Variants in PATL2 observed in about 807,000 individuals in gnomAD.
PATL2 encodes the protein PAT1 homolog 2, also known as protein PAT1 homolog 2.
Under a neutral mutation model 77.0 loss-of-function variants are expected in PATL2, and 73 were observed. The ratio of observed to expected loss-of-function variants is 0.95; its 90% CI spans 0.78 to 1.15. The LOEUF (loss-of-function observed/expected upper bound fraction) is 1.15, where lower values mean the gene tolerates loss of function less well. Ranked by LOEUF, PATL2 falls within the 50% of genes most tolerant of loss-of-function variation. PATL2 has a pLI of 0.00. For synonymous variants in PATL2, 265 were observed against 257.1 expected (o/e 1.03, Z -0.29); for missense variants, 618 against 655.4 (o/e 0.94, Z 0.62).
At chr15:44,666,795 AAG>A (rs2085394788) in intron 16 of PATL2, 2 of 521,954 alleles carry the variant, frequency 3.8e-6, no homozygotes, top group Non-Finnish European at 6.7e-6. Flanking sequence ...GAAACAAACT[AAG>A]AGAAGTGAGA....
intron 14 of PATL2, 114 bp from the exon 15 acceptor site, chr15:44,668,596 T>G (rs1421921494): frequency 9.2e-6 from 12 of 1,298,258 alleles, no homozygotes; most frequent in Non-Finnish European, 1.3e-5. Context: ...CTGGTGAGGT[T>G]ACTTACCAGG....
chr15:44,666,970 G>A, intron 16 of PATL2, 136 bp downstream of exon 16: 3 of 706,752 alleles, frequency 4.2e-6, no homozygotes, highest in Middle Eastern at 8.1e-4. Context: ...AAGCAGAACA[G>A]CTACAACACT....
At position 44,705,464 on chromosome 15, in the gene PATL2, G is replaced by A. The variant is rs147714049; in HGVS notation, c.-76+4632C>T. Among the ~76,000 whole-genome samples, 407 of 152,284 alleles carry A rather than the reference G, an allele frequency of 2.7e-3. 2 individuals carry two copies. The highest frequency in any genetic ancestry group is 9.2e-3 in the African/African-American group (384 of 41,556). ...CAAAGTGCTGGGATTACAGGAGTGA[G>A]CCACTGCACCTGGCTGCAGCCAGTA... On this transcript the variant is annotated intron_variant, in intron 3 of 17. Transcript: ENST00000682850.
chr15:44,669,480 GA>G, intron 12 of PATL2, 29 bp downstream of exon 12: 1 of 1,550,146 alleles, frequency 6.5e-7, no homozygotes, highest in Non-Finnish European at 8.7e-7. Flanking sequence ...GGTAGGTTTG[GA>G]ACTCGTCCCT....
At chr15:44,689,124 T>C (rs532254427) in intron 3 of PATL2, among the ~76,000 whole-genome samples, 107 of 152,254 alleles carry the variant, frequency 7.0e-4, no homozygotes, top group African/African-American at 2.5e-3. Context: ...CTCATCAACA[T>C]TGGTCATTAG....
intron 16 of PATL2, 59 bp downstream of exon 16, chr15:44,667,047 G>C: frequency 7.7e-7 from 1 of 1,299,282 alleles, no homozygotes; most frequent in Non-Finnish European, 1.1e-6. Flanking sequence ...ACTTCACCTG[G>C]CTCAGTCTGC....
intron 3 of PATL2, among the ~76,000 whole-genome samples, chr15:44,686,758 C>A (rs979967865): frequency 5.3e-5 from 8 of 152,138 alleles, no homozygotes; most frequent in Non-Finnish European, 1.0e-4. Flanking sequence ...AAACTAGCAT[C>A]AGAGAATACT....
intron 3 of PATL2, among the ~76,000 whole-genome samples, chr15:44,685,893 C>G (rs1409767416): frequency 6.6e-6 from 1 of 152,114 alleles, no homozygotes; most frequent in African/African-American, 2.4e-5. Flanking sequence ...TACAGGAGCA[C>G]CCAGATTCAT....
intron 3 of PATL2, among the ~76,000 whole-genome samples, chr15:44,698,342 ATTCT>A (rs2086556260): frequency 6.6e-6 from 1 of 152,034 alleles, no homozygotes; most frequent in African/African-American, 2.4e-5. Flanking sequence ...GATCTTATTC[ATTCT>A]AATTATATTT....
rs2086830581 is a variant in PATL2 at position 44,710,359 on chromosome 15, C to G, written c.-194-145G>C. The stretch of plus-strand genomic sequence containing the variant: ...GGTCCACTTCCTCTTCTCACTGTTC[C>G]TCTTAGAAAAGATCTGTGGACTCCA... On this transcript the variant is annotated intron_variant, in intron 2 of 17. Coordinates refer to ENST00000682850, the MANE Select transcript of PATL2 (RefSeq NM_001387263.1). Among the ~76,000 whole-genome samples the G allele has an allele frequency of 2.0e-5, 3 of 152,180 alleles. No individual in the cohort carries two copies. In the South Asian group the frequency reaches 6.2e-4, roughly 32 times the overall value.
intron 4 of PATL2, chr15:44,675,896 C>G: frequency 1.8e-6 from 1 of 553,464 alleles, no homozygotes; most frequent in Non-Finnish European, 3.2e-6. Context: ...TCAAATGGAA[C>G]CTGAGCCAGG....
At chr15:44,669,474 G>A in intron 12 of PATL2, 36 bp downstream of exon 12, 4 of 1,549,204 alleles carry the variant, frequency 2.6e-6, no homozygotes, top group Non-Finnish European at 3.5e-6. Context: ...CTCAAAGGTA[G>A]GTTTGGAACT....
intron 3 of PATL2, among the ~76,000 whole-genome samples, chr15:44,698,951 C>G (rs773338556): frequency 1.3e-5 from 2 of 152,154 alleles, no homozygotes; most frequent in South Asian, 4.1e-4. Context: ...TGAGGGTGAG[C>G]TGATATCTCA....
intron 14 of PATL2, 47 bp from the exon 15 acceptor site, chr15:44,668,529 C>A: frequency 6.5e-7 from 1 of 1,534,380 alleles, no homozygotes; most frequent in East Asian, 2.5e-5. Context: ...TACAACTTCA[C>A]CTCCCCTTAC....
intron 3 of PATL2, among the ~76,000 whole-genome samples, chr15:44,701,360 T>C (rs1273693781): frequency 6.6e-6 from 1 of 151,938 alleles, no homozygotes; most frequent in Non-Finnish European, 1.5e-5. Flanking sequence ...CAGAATAGTT[T>C]GAGTAGGGTT....
intron 3 of PATL2, among the ~76,000 whole-genome samples, chr15:44,692,151 T>C (rs1273699502): frequency 3.3e-5 from 5 of 152,198 alleles, no homozygotes; most frequent in Non-Finnish European, 7.3e-5. Context: ...CTCTGCACAA[T>C]GATTGCATCT....
chr15:44,694,040 G>A (rs1595984303), intron 3 of PATL2, among the ~76,000 whole-genome samples: 3 of 152,160 alleles, frequency 2.0e-5, no homozygotes, highest in Non-Finnish European at 4.4e-5. Context: ...TCTGTATCAA[G>A]TGACATGGAA....
intron 3 of PATL2, among the ~76,000 whole-genome samples, chr15:44,689,752 C>A (rs939084570): frequency 6.6e-6 from 1 of 152,056 alleles, no homozygotes; most frequent in Non-Finnish European, 1.5e-5. Flanking sequence ...AGGAGAAATA[C>A]CTAATGTAGA....
Position 44,675,520 on chromosome 15 carries a change from T to C in PATL2, c.188A>G (p.Asp63Gly), listed in dbSNP as rs1391311956. The C allele has an allele frequency of 5.8e-6, 9 of 1,551,802 alleles. No individual in the cohort carries two copies. Among genetic ancestry groups the C allele is most frequent in the Admixed American group, 2.0e-5 (1 of 50,988 alleles). ...GTGGACAGCACCAAGTACAGCTGGA[T>C]CCCCAAGATCATTCTCTTCCTCCTC... ...DLEEEENDLG[D>G]PAVLGAVHNT... Residue 63 changes from aspartate to glycine, a missense_variant, in exon 5 of 18, where the codon GAT (aspartate) becomes GGT (glycine). Coordinates refer to ENST00000682850, the MANE Select transcript of PATL2 (RefSeq NM_001387263.1).
Sources: gnomAD v4.1 joint callset for allele counts (sites outside exome capture counted in the v4.1 genomes callset) on GRCh38, gnomAD v4.1.1 for gene constraint, MANE v1.5 for transcripts, NCBI Gene and HGNC (gene_info 2026-07-23, HGNC 2026-07-21) for gene names.